Variants in BBLN observed in about 807,000 individuals in gnomAD.
The protein encoded by BBLN is bublin coiled coil protein.
BBLN carries 6 observed loss-of-function variants against 7.6 expected under a neutral mutation model. The observed-to-expected ratio is 0.79, with a 90% CI of 0.43 to 1.55. BBLN has a LOEUF of 1.55. BBLN is among the 40% of genes most tolerant of loss of function. The pLI is 0.01. For missense variants in BBLN, 100 were observed against 111.1 expected (o/e 0.90, Z 0.45); for synonymous variants, 35 against 46.7 (o/e 0.75, Z 1.02).
At position 128,160,280 on chromosome 9, in the gene BBLN, T is replaced by G; in HGVS notation, c.-128T>G. The G allele has an allele frequency of 2.2e-6, 1 of 464,346 alleles. No individual in the cohort carries two copies. The highest frequency in any genetic ancestry group is 1.0e-4 in the South Asian group (1 of 9,532). 28.8% of individuals were successfully genotyped at this position (464,346 alleles called of 1,614,324 possible). On this transcript the variant is annotated 5_prime_UTR_variant, in exon 1 of 2. Coordinates refer to ENST00000372994, the MANE Select transcript of BBLN (RefSeq NM_024112.4). Reference sequence around the variant, plus strand: ...GGGCACCGGCCTCTGGGCGGAGATCTGCTGCCGCGTTCTACCCTTCCGGCC... The same window carrying G: ...GGGCACCGGCCTCTGGGCGGAGATCGGCTGCCGCGTTCTACCCTTCCGGCC...
chr9:128,161,086 G>GAAAA (rs1349547404), intron 1 of BBLN, among the ~76,000 whole-genome samples: 1 of 18,628 alleles, frequency 5.4e-5, no homozygotes. Flanking sequence ...AGAATTAAAT[G>GAAAA]CAAAAAAAAG....
intron 1 of BBLN, among the ~76,000 whole-genome samples, chr9:128,161,755 C>T (rs529716982): frequency 1.5e-4 from 23 of 152,234 alleles, no homozygotes; most frequent in African/African-American, 5.5e-4. Flanking sequence ...ATTCTCATGC[C>T]TCAGCCTCCC....
In BBLN at chr9:128,160,365, C is replaced by T. The variant is rs1218791517; in HGVS notation, c.-43C>T. The stretch of plus-strand genomic sequence containing the variant: ...CGCCGGCTTTCGGCGCGACGGTCGC[C>T]GCGTTCCATCGTCGCGCGGCCCTTC... On this transcript the variant is annotated 5_prime_UTR_variant, in exon 1 of 2. Transcript: ENST00000372994. The T allele has an allele frequency of 8.5e-7, 1 of 1,178,648 alleles. No individual in the cohort carries two copies. The highest frequency in any genetic ancestry group is 3.2e-5 in the East Asian group (1 of 31,412). 73.0% of individuals were successfully genotyped at this position (1,178,648 alleles called of 1,614,324 possible). A position where few individuals can be genotyped will look rare whatever the true frequency, so the allele number is the denominator to read the frequency against.
Position 128,163,719 on chromosome 9 carries a change from A to T in BBLN, c.*104A>T, listed in dbSNP as rs150999668. On this transcript the variant is annotated 3_prime_UTR_variant, in exon 2 of 2. Transcript: ENST00000372994. The surrounding 1 kb of genome is among the most constrained non-coding windows in gnomAD (Gnocchi z 5.7). ...GACACCTTCTCAAGGGCTGGCCTTC[A>T]GGGACCCCTGGTGGGTCTGCCTGCC... The T allele has an allele frequency of 3.1e-4, 333 of 1,061,680 alleles. 1 individual carries two copies. In the African/African-American group the frequency reaches 5.1e-3, roughly 16 times the overall value. 65.8% of individuals were successfully genotyped at this position (1,061,680 alleles called of 1,614,324 possible).
chr9:128,160,673 G>C (rs1539351), intron 1 of BBLN, among the ~76,000 whole-genome samples, 187 bp downstream of exon 1: 140,441 of 152,314 alleles, frequency 0.92, 65,825 homozygotes, highest in East Asian at 1. Flanking sequence ...CCCCGTGAGA[G>C]CTGCAGGTCA....
At position 128,163,675 on chromosome 9, in the gene BBLN, G is replaced by T; in HGVS notation, c.*60G>T. On this transcript the variant is annotated 3_prime_UTR_variant, in exon 2 of 2. Transcript: ENST00000372994. This position sits in a 1 kb window ranked among gnomAD's most constrained non-coding sequence, Gnocchi z 5.7. ...CTCCCTGGGCTAGGCTCTGGCCTGG[G>T]CACTCACCCCCTGGCTTAGACACCT... 2 of 1,351,416 alleles carry T rather than the reference G, an allele frequency of 1.5e-6. No individual in the cohort carries two copies. Among genetic ancestry groups the T allele is most frequent in the Non-Finnish European group, 2.0e-6 (2 of 1,023,288 alleles). 83.7% of individuals were successfully genotyped at this position (1,351,416 alleles called of 1,614,324 possible).
At position 128,163,497 on chromosome 9, in the gene BBLN, TGGA is replaced by T. The variant is rs759782846; in HGVS notation, c.139_141del (p.Glu47del). 3.5e-5 allele frequency: 57 copies of T among 1,612,062 alleles called. No homozygotes were observed. Among genetic ancestry groups the T allele is most frequent in the Non-Finnish European group, 4.7e-5 (55 of 1,178,920 alleles). On this transcript the variant is annotated inframe_deletion, in exon 2 of 2. Transcript: ENST00000372994. The surrounding 1 kb of genome is among the most constrained non-coding windows in gnomAD (Gnocchi z 5.7). ...CAGATCAACTCCTGTCTGGACCACC[TGGA>T]GGAGAAGAATGACCACCTCCACGCC...
At position 128,163,287 on chromosome 9, in the gene BBLN, T is replaced by C. The variant is rs1326630428; in HGVS notation, c.80-156T>C. On this transcript the variant is annotated intron_variant, in intron 1 of 1. Transcript: ENST00000372994. This position sits in a 1 kb window ranked among gnomAD's most constrained non-coding sequence, Gnocchi z 5.7. ...TTCAAAGCCACTCCTCTTTTGGTAT[T>C]CCACCCATTTTCCAGACGGTGACAC... is the stretch of plus-strand genomic sequence containing the variant. 6.6e-6 allele frequency among the ~76,000 whole-genome samples: 1 copy of C among 152,186 alleles called. No homozygotes were observed. The highest frequency in any genetic ancestry group is 1.5e-5 in the Non-Finnish European group (1 of 68,022).
intron 1 of BBLN, chr9:128,162,047 C>G (rs1246587888): frequency 6.6e-6 from 1 of 152,172 alleles, no homozygotes; most frequent in Non-Finnish European, 1.5e-5. Context: ...AAATTCAAAC[C>G]CAAGTGACCC....
Position 128,163,777 on chromosome 9 carries a change from G to A in BBLN, c.*162G>A. On this transcript the variant is annotated 3_prime_UTR_variant, in exon 2 of 2. Coordinates refer to ENST00000372994, the MANE Select transcript of BBLN (RefSeq NM_024112.4). The surrounding 1 kb of genome is among the most constrained non-coding windows in gnomAD (Gnocchi z 5.7). ...CCCTTCCTGCCTGGGCCTCCCCTTGGCCTACCTGGGCCAGCCCCCACCACC... is the reference window on the plus strand; with the variant it reads ...CCCTTCCTGCCTGGGCCTCCCCTTGACCTACCTGGGCCAGCCCCCACCACC... 1 of 606,566 alleles carries A rather than the reference G, an allele frequency of 1.6e-6. No individual in the cohort carries two copies. Among genetic ancestry groups the A allele is most frequent in the Non-Finnish European group, 2.7e-6 (1 of 367,516 alleles). 37.6% of individuals were successfully genotyped at this position (606,566 alleles called of 1,614,324 possible).
rs754595267 is a variant in BBLN, at chr9:128,163,465, G to A, written c.102G>A (p.Met34Ile). The A allele has an allele frequency of 1.9e-6, 3 of 1,592,704 alleles. No individual in the cohort carries two copies. The highest frequency in any genetic ancestry group is 2.6e-6 in the Non-Finnish European group (3 of 1,167,462). ...CAGAATACGCTGCCATCAACTCCAT[G>A]CTGGACCAGATCAACTCCTGTCTGG... is the stretch of plus-strand genomic sequence containing the variant. The part of the protein sequence containing the change: ...GEAEYAAINS[M>I]LDQINSCLDH... The change falls in exon 2 of 2, where the codon ATG (methionine) becomes ATA (isoleucine). Residue 34 changes from methionine to isoleucine, a missense_variant. By Grantham distance (10) the Met-to-Ile change is conservative (BLOSUM62 1). Coordinates refer to ENST00000372994, the MANE Select transcript of BBLN (RefSeq NM_024112.4). The surrounding 1 kb of genome is among the most constrained non-coding windows in gnomAD (Gnocchi z 5.7).
intron 1 of BBLN, 135 bp downstream of exon 1, chr9:128,160,621 C>A: frequency 1.5e-6 from 1 of 684,298 alleles, no homozygotes; most frequent in Non-Finnish European, 2.3e-6. Context: ...GTTGTAGGTG[C>A]TGTCTCGGAT....
At chr9:128,160,551 C>A in intron 1 of BBLN, 65 bp downstream of exon 1, 2 of 1,035,238 alleles carry the variant, frequency 1.9e-6, no homozygotes, top group South Asian at 2.5e-5. Context: ...GAAGGGGAAT[C>A]GAGATGGGGT....
At chr9:128,160,954 C>G (rs916037811) in intron 1 of BBLN, among the ~76,000 whole-genome samples, 7 of 152,188 alleles carry the variant, frequency 4.6e-5, no homozygotes, top group Non-Finnish European at 8.8e-5. Context: ...CTTTTGCGTG[C>G]TTACGAGTGC....
At chr9:128,161,053 T>C (rs1829249206) in intron 1 of BBLN, among the ~76,000 whole-genome samples, 1 of 137,186 alleles carries the variant, frequency 7.3e-6, no homozygotes, top group South Asian at 2.3e-4. Flanking sequence ...TAACGATTAG[T>C]GTCTGCTGCA....
rs558837755 is a variant in BBLN, at chr9:128,160,450, G to A, written c.43G>A (p.Gly15Arg). 1.8e-5 allele frequency: 23 copies of A among 1,266,278 alleles called. No individual in the cohort carries two copies. The highest frequency in any genetic ancestry group is 2.2e-5 in the Non-Finnish European group (22 of 997,470). The allele number at this position is 1,266,278 out of a possible 1,614,324, so 78.4% of individuals were successfully genotyped here. A position where few individuals can be genotyped will look rare whatever the true frequency, so the allele number is the denominator to read the frequency against. The change falls in exon 1 of 2, where the codon GGA (glycine) becomes AGA (arginine). Residue 15 changes from glycine (G) to arginine (R), a missense_variant. Physicochemically the swap from Gly to Arg is moderately radical, Grantham distance 125. Transcript: ENST00000372994. Reference sequence around the variant, plus strand: ...AGACCTGGGGATGCCGGTGGAGGCGGGAGCGGAAGGCGAGGAGGACGGCTT... The same window carrying A: ...AGACCTGGGGATGCCGGTGGAGGCGAGAGCGGAAGGCGAGGAGGACGGCTT... ...NGDLGMPVEA[G>R]AEGEEDGFGE...
chr9:128,160,360 G>C lies in BBLN; in HGVS notation c.-48G>C. ...TCCGGCGCCGGCTTTCGGCGCGACGGTCGCCGCGTTCCATCGTCGCGCGGC... is the reference window on the plus strand; with the variant it reads ...TCCGGCGCCGGCTTTCGGCGCGACGCTCGCCGCGTTCCATCGTCGCGCGGC... On this transcript the variant is annotated 5_prime_UTR_variant, in exon 1 of 2. Transcript: ENST00000372994. 8.7e-7 allele frequency: 1 copy of C among 1,153,096 alleles called. No homozygotes were observed. The highest frequency in any genetic ancestry group is 1.1e-6 in the Non-Finnish European group (1 of 909,244). 71.4% of individuals were successfully genotyped at this position (1,153,096 alleles called of 1,614,324 possible).
chr9:128,161,086 G>GAAAAAAAAAA (rs1349547404), intron 1 of BBLN, among the ~76,000 whole-genome samples: 1 of 18,628 alleles, frequency 5.4e-5, no homozygotes. Context: ...AGAATTAAAT[G>GAAAAAAAAAA]CAAAAAAAAG....
chr9:128,160,634 A>G, intron 1 of BBLN, 148 bp downstream of exon 1: 1 of 635,814 alleles, frequency 1.6e-6, no homozygotes, highest in African/African-American at 1.9e-5. Flanking sequence ...TCTCGGATGC[A>G]GGGCGAGCAC....
Sources: gnomAD v4.1 joint callset for allele counts (sites outside exome capture counted in the v4.1 genomes callset) on GRCh38, gnomAD v4.1.1 for gene constraint, Gnocchi (gnomAD v3.1) non-coding constraint, MANE v1.5 for transcripts, NCBI Gene and HGNC (gene_info 2026-07-23, HGNC 2026-07-21) for gene names.